TSPAN5: variants seen among roughly 807,000 people sequenced by gnomAD.
TSPAN5 encodes tetraspanin 5, also known as tetraspanin-5.
In TSPAN5, 10 loss-of-function variants were observed where a neutral mutation model predicts 37.1. That is an observed-to-expected ratio of 0.27 (90% CI 0.17 to 0.46). The LOEUF is 0.46. TSPAN5 is among the 20% of genes least tolerant of loss of function. TSPAN5 has a pLI of 1.00. For synonymous variants in TSPAN5, 110 were observed against 118.9 expected (o/e 0.93, Z 0.48); for missense variants, 195 against 326.6 (o/e 0.60, Z 3.11).
chr4:98,564,141 T>C (rs1259184100), intron 1 of TSPAN5, among the ~76,000 whole-genome samples: 1 of 152,212 alleles, frequency 6.6e-6, no homozygotes, highest in Non-Finnish European at 1.5e-5. Context: ...CAGCCCCTCC[T>C]GTTATCACTG....
At chr4:98,553,887 C>T (rs1182244760) in intron 1 of TSPAN5, among the ~76,000 whole-genome samples, 5 of 151,904 alleles carry the variant, frequency 3.3e-5, no homozygotes, top group African/African-American at 1.2e-4. Context: ...GCCCACATGA[C>T]GAAACCCTGT....
intron 1 of TSPAN5, among the ~76,000 whole-genome samples, chr4:98,608,501 C>T (rs532319364): frequency 3.3e-4 from 50 of 152,250 alleles, no homozygotes; most frequent in Admixed American, 1.6e-3. Context: ...CTTATCTCTC[C>T]GCAATCAGTC....
At chr4:98,516,286 G>A (rs974364035) in intron 1 of TSPAN5, among the ~76,000 whole-genome samples, 1 of 152,164 alleles carries the variant, frequency 6.6e-6, no homozygotes, top group African/African-American at 2.4e-5. Context: ...TACCAGGCTG[G>A]GCCAGAGTCT....
At chr4:98,653,769 TTA>T (rs142097232) in intron 1 of TSPAN5, among the ~76,000 whole-genome samples, 2,397 of 152,278 alleles carry the variant, frequency 0.016, 71 homozygotes, top group African/African-American at 0.054. Flanking sequence ...ACCATTAATG[TTA>T]TCTTTCCTTT....
chr4:98,610,842 G>A (rs10428298), intron 1 of TSPAN5, among the ~76,000 whole-genome samples: 3 of 151,822 alleles, frequency 2.0e-5, no homozygotes, highest in African/African-American at 4.8e-5. Flanking sequence ...CATCCTCCCC[G>A]CTACTCTTTT....
intron 1 of TSPAN5, among the ~76,000 whole-genome samples, chr4:98,579,957 A>G (rs1438730010): frequency 6.6e-6 from 1 of 152,216 alleles, no homozygotes; most frequent in Non-Finnish European, 1.5e-5. Flanking sequence ...ATTATCCTCT[A>G]AAAGAATGAA....
chr4:98,564,540 T>C (rs1247756618), intron 1 of TSPAN5, among the ~76,000 whole-genome samples: 2 of 152,042 alleles, frequency 1.3e-5, no homozygotes, highest in Non-Finnish European at 2.9e-5. Context: ...ATCCCATTAT[T>C]AATTAATGCT....
At chr4:98,475,018 T>C (rs1241167821) in intron 7 of TSPAN5, among the ~76,000 whole-genome samples, 1 of 152,188 alleles carries the variant, frequency 6.6e-6, no homozygotes, top group African/African-American at 2.4e-5. Flanking sequence ...ATTCCACTTC[T>C]CTATATGGCT....
Position 98,558,537 on chromosome 4 carries a change from G to A in TSPAN5, c.82-50809C>T, listed in dbSNP as rs564977047. 5.1e-3 allele frequency among the ~76,000 whole-genome samples: 770 copies of A among 152,306 alleles called. 9 individuals are homozygous for A. Among genetic ancestry groups the A allele is most frequent in the Non-Finnish European group, 5.3e-3 (362 of 68,036 alleles). On this transcript the variant is annotated intron_variant, in intron 1 of 7. Coordinates refer to ENST00000305798, the MANE Select transcript of TSPAN5 (RefSeq NM_005723.4). ...GCTTCCCCAGGGACTTTAATGTGGT[G>A]GCACTTGAAGAGATTGGTTTGCCAA...
At chr4:98,636,087 A>G (rs1280064861) in intron 1 of TSPAN5, among the ~76,000 whole-genome samples, 1 of 152,286 alleles carries the variant, frequency 6.6e-6, no homozygotes, top group East Asian at 1.9e-4. Context: ...TAGACACCAT[A>G]CCTTTGATGG....
chr4:98,482,395 T>C, intron 3 of TSPAN5: 1 of 393,510 alleles, frequency 2.5e-6, no homozygotes, highest in Non-Finnish European at 4.5e-6. Context: ...GTCTCTAGTG[T>C]TCCATTTGAT....
chr4:98,571,962 T>TTTTA (rs58535549), intron 1 of TSPAN5, among the ~76,000 whole-genome samples: 75 of 150,886 alleles, frequency 5.0e-4, no homozygotes, highest in South Asian at 1.3e-3. Flanking sequence ...GAGAGAGACA[T>TTTTA]TTTATTTATT....
chr4:98,538,722 T>A (rs1482267805), intron 1 of TSPAN5, among the ~76,000 whole-genome samples: 2 of 152,244 alleles, frequency 1.3e-5, no homozygotes, highest in Non-Finnish European at 2.9e-5. Flanking sequence ...TATACTGAAA[T>A]ATTTATCAAC....
At chr4:98,630,768 C>A (rs1560566995) in intron 1 of TSPAN5, among the ~76,000 whole-genome samples, 1 of 152,188 alleles carries the variant, frequency 6.6e-6, no homozygotes, top group Non-Finnish European at 1.5e-5. Context: ...ATTTATTACT[C>A]TGAATTTGAA....
chr4:98,577,210 GAGA>G (rs1440970321), intron 1 of TSPAN5, among the ~76,000 whole-genome samples: 1 of 152,168 alleles, frequency 6.6e-6, no homozygotes, highest in Non-Finnish European at 1.5e-5. Context: ...TCTGTTAACA[GAGA>G]AGCCAGAAGC....
At chr4:98,576,626 G>T (rs1319893150) in intron 1 of TSPAN5, among the ~76,000 whole-genome samples, 1 of 152,104 alleles carries the variant, frequency 6.6e-6, no homozygotes. Context: ...TGAGGATGGA[G>T]GGTCACTTGG....
At chr4:98,474,650 A>G (rs1752656735) in intron 7 of TSPAN5, among the ~76,000 whole-genome samples, 1 of 151,348 alleles carries the variant, frequency 6.6e-6, no homozygotes, top group African/African-American at 2.4e-5. Flanking sequence ...ACCCGGCCTT[A>G]TTTCTTCTTT....
intron 1 of TSPAN5, among the ~76,000 whole-genome samples, chr4:98,604,551 A>G (rs1755961181): frequency 6.6e-6 from 1 of 152,220 alleles, no homozygotes; most frequent in South Asian, 2.1e-4. Flanking sequence ...ACTATGAAGT[A>G]ATGTCTTTAC....
Position 98,491,354 on chromosome 4 carries a change from G to GA in TSPAN5, c.133-4471dup, listed in dbSNP as rs925812473. ...ATTAGGGATTACTTACCTAGCAGGA[G>GA]AAAAAAAACAGACTTATTCTTTCAT... On this transcript the variant is annotated intron_variant, in intron 2 of 7. Transcript: ENST00000305798. Among the ~76,000 whole-genome samples the GA allele has an allele frequency of 2.6e-4, 40 of 152,010 alleles. No homozygotes were observed. In the Middle Eastern group the frequency reaches 0.014, roughly 52 times the overall value.
Sources: allele counts gnomAD v4.1 joint callset (sites outside exome capture counted in the v4.1 genomes callset), GRCh38; gene constraint gnomAD v4.1.1; transcripts MANE v1.5; gene names NCBI Gene and HGNC (gene_info 2026-07-23, HGNC 2026-07-21).